Variants in B4GALT6 observed in about 807,000 individuals in gnomAD.
B4GALT6 encodes UDP-Gal:beta-GlcNAc beta-1,4-galactosyltransferase 6.
B4GALT6 carries 14 observed loss-of-function variants against 46.3 expected under a neutral mutation model. The observed-to-expected ratio is 0.30, with a 90% CI of 0.20 to 0.47. The LOEUF is 0.47. B4GALT6 is among the 20% of genes least tolerant of loss of function. The probability of loss-of-function intolerance (pLI) is 0.99; values close to 1 mark genes in which losing one functional copy is unlikely to be tolerated. For synonymous variants in B4GALT6, 168 were observed against 162.0 expected, an observed-to-expected ratio of 1.04 and a Z score of -0.28; for missense variants, 386 against 480.1, an observed-to-expected ratio of 0.80 and a Z score of 1.83.
intron 3 of B4GALT6, among the ~76,000 whole-genome samples, chr18:31,656,474 T>G (rs899871179): frequency 1.3e-5 from 2 of 151,950 alleles, no homozygotes. Context: ...GACAGTACAG[T>G]ATAGTGTTTT....
the B4GALT6 span, among the ~76,000 whole-genome samples, chr18:31,707,011 C>G: frequency 6.6e-6 from 1 of 152,054 alleles, no homozygotes; most frequent in Non-Finnish European, 1.5e-5. Flanking sequence ...GGTGTAAACG[C>G]CAGAAGGAAA....
chr18:31,694,386 G>A, the B4GALT6 span, among the ~76,000 whole-genome samples: 67,599 of 152,056 alleles, frequency 0.44, 17,751 homozygotes, highest in South Asian at 0.67. Context: ...CTTGCATTAA[G>A]CACAACACTT....
chr18:31,710,934 T>C, the B4GALT6 span, among the ~76,000 whole-genome samples: 5 of 151,860 alleles, frequency 3.3e-5, no homozygotes, highest in African/African-American at 1.2e-4. Context: ...CCCTCCTCCA[T>C]GTGTCCTGTA....
chr18:31,624,633 C>CT lies in B4GALT6; in HGVS notation c.*980dup, dbSNP rs1171530502. The CT allele has an allele frequency of 6.6e-6, 1 of 151,624 alleles. No homozygotes were observed. Among genetic ancestry groups the CT allele is most frequent in the African/African-American group, 2.4e-5 (1 of 41,296 alleles). 9.4% of individuals were successfully genotyped at this position (151,624 alleles called of 1,614,324 possible). A position where few individuals can be genotyped will look rare whatever the true frequency, so the allele number is the denominator to read the frequency against. On this transcript the variant is annotated 3_prime_UTR_variant, in exon 9 of 9. Transcript: ENST00000306851. Reference sequence around the variant, plus strand: ...TCCATAGATCATTCTTTTAAAAAAACTGACTTGATTTCTTTTTAAATGAAG... The same window carrying CT: ...TCCATAGATCATTCTTTTAAAAAAACTTGACTTGATTTCTTTTTAAATGAAG...
chr18:31,720,704 C>G, the B4GALT6 span, among the ~76,000 whole-genome samples: 3 of 152,088 alleles, frequency 2.0e-5, no homozygotes, highest in Admixed American at 1.3e-4. Context: ...ACGTGTGTCA[C>G]CCTGCTCACC....
intron 4 of B4GALT6, among the ~76,000 whole-genome samples, 175 bp from the exon 5 acceptor site, chr18:31,638,935 A>C (rs748864911): frequency 4.6e-5 from 7 of 152,218 alleles, no homozygotes; most frequent in Non-Finnish European, 8.8e-5. Flanking sequence ...GCATGCTGCT[A>C]TGGTCTTATA....
intron 1 of B4GALT6, among the ~76,000 whole-genome samples, chr18:31,669,015 CAAAAAAAAAAA>C (rs34372600): frequency 4.0e-5 from 4 of 101,068 alleles, no homozygotes; most frequent in African/African-American, 1.5e-4. Flanking sequence ...GACCCTGTGT[CAAAAAAAAAAA>C]AAAAAAAGTT....
At chr18:31,724,384 T>A in the B4GALT6 span, 1 of 1,096,864 alleles carries the variant, frequency 9.1e-7, no homozygotes, top group Non-Finnish European at 1.1e-6. Context: ...GACCTCTGAC[T>A]CCCTGGGGCC....
intron 2 of B4GALT6, among the ~76,000 whole-genome samples, 181 bp downstream of exon 2, chr18:31,666,075 C>A (rs1249704966): frequency 6.6e-6 from 1 of 152,190 alleles, no homozygotes; most frequent in East Asian, 1.9e-4. Context: ...TGTGACCACA[C>A]GTTCATACAT....
upstream of B4GALT6, among the ~76,000 whole-genome samples, chr18:31,687,193 T>C (rs949413536): frequency 2.6e-5 from 4 of 152,230 alleles, no homozygotes; most frequent in African/African-American, 9.6e-5. Flanking sequence ...ACAAGCCTAG[T>C]CGGTGCAGCC....
chr18:31,682,528 A>G (rs529378558), intron 1 of B4GALT6, among the ~76,000 whole-genome samples: 14 of 152,238 alleles, frequency 9.2e-5, no homozygotes, highest in Non-Finnish European at 1.8e-4. Context: ...GCAAACATTA[A>G]GCATTCAAAT....
chr18:31,675,703 CAG>C (rs986497907), intron 1 of B4GALT6, among the ~76,000 whole-genome samples: 2 of 152,070 alleles, frequency 1.3e-5, no homozygotes, highest in Non-Finnish European at 2.9e-5. Context: ...GGAAATTAAA[CAG>C]ATCTTAAAAA....
chr18:31,646,731 T>C (rs1210972731), intron 3 of B4GALT6, among the ~76,000 whole-genome samples: 1 of 152,192 alleles, frequency 6.6e-6, no homozygotes, highest in Non-Finnish European at 1.5e-5. Context: ...TATTCTATAT[T>C]TTAGGAGTTT....
In B4GALT6 at chr18:31,622,255, C is replaced by T. The variant is rs1269427739; in HGVS notation, c.*3359G>A. ...ACATCTTCACACAAAGTCTTTAGAA[C>T]ATTATATTTCATAAAAGACAATGAT... On this transcript the variant is annotated 3_prime_UTR_variant, in exon 9 of 9. Coordinates refer to ENST00000306851, the MANE Select transcript of B4GALT6 (RefSeq NM_004775.5). The T allele has an allele frequency of 6.6e-6, 1 of 151,900 alleles. No individual in the cohort carries two copies. Among genetic ancestry groups the T allele is most frequent in the Non-Finnish European group, 1.5e-5 (1 of 67,890 alleles). 9.4% of individuals were successfully genotyped at this position (151,900 alleles called of 1,614,324 possible). A position where few individuals can be genotyped will look rare whatever the true frequency, so the allele number is the denominator to read the frequency against.
intron 1 of B4GALT6, among the ~76,000 whole-genome samples, chr18:31,666,957 G>C (rs1251957365): frequency 2.0e-5 from 3 of 152,050 alleles, no homozygotes. Context: ...TTTCTACCAG[G>C]ATGGTAAAAG....
intron 1 of B4GALT6, among the ~76,000 whole-genome samples, chr18:31,675,479 T>A (rs2074405188): frequency 6.6e-6 from 1 of 152,226 alleles, no homozygotes; most frequent in Non-Finnish European, 1.5e-5. Flanking sequence ...TAGTTGATAA[T>A]TCAAAAAGTA....
chr18:31,676,882 C>A (rs1453723387), intron 1 of B4GALT6, among the ~76,000 whole-genome samples: 1 of 152,150 alleles, frequency 6.6e-6, no homozygotes, highest in Admixed American at 6.5e-5. Flanking sequence ...CTTAAATAAA[C>A]CTTAAGCACA....
At chr18:31,690,101 C>T (rs778996113), upstream of B4GALT6, among the ~76,000 whole-genome samples, 1 of 152,084 alleles carries the variant, frequency 6.6e-6, no homozygotes, top group Non-Finnish European at 1.5e-5. Flanking sequence ...AATAGCCTAC[C>T]TTCAGTCATT....
chr18:31,658,127 A>G (rs1353233330), intron 2 of B4GALT6, 38 bp from the exon 3 acceptor site: 8 of 1,057,398 alleles, frequency 7.6e-6, no homozygotes, highest in East Asian at 2.5e-5. Flanking sequence ...AAAAAAAAAA[A>G]GGCCTTTTGC....
Sources: gnomAD v4.1 joint callset for allele counts (sites outside exome capture counted in the v4.1 genomes callset) on GRCh38, gnomAD v4.1.1 for gene constraint, MANE v1.5 for transcripts, NCBI Gene and HGNC (gene_info 2026-07-23, HGNC 2026-07-21) for gene names.